Variants in ZNF345 observed in about 807,000 individuals in gnomAD.
ZNF345 encodes the protein zinc finger protein 345.
For missense variants in ZNF345, 527 were observed against 589.9 expected (o/e 0.89, Z 1.10); for synonymous variants, 166 against 187.9 (o/e 0.88, Z 0.95).
At chr19:36,866,278 T>G (rs1016195418) in intron 2 of ZNF345, among the ~76,000 whole-genome samples, 1 of 152,150 alleles carries the variant, frequency 6.6e-6, no homozygotes, top group Non-Finnish European at 1.5e-5. Flanking sequence ...ACATAAAATC[T>G]TTTTAGGTTA....
chr19:36,860,919 TGTAATA>T (rs914687172), intron 2 of ZNF345, among the ~76,000 whole-genome samples: 26 of 152,270 alleles, frequency 1.7e-4, no homozygotes, highest in African/African-American at 5.1e-4. Context: ...ATTAGTAAGA[TGTAATA>T]GTAATAATGG....
At chr19:36,852,866 T>C (rs538517707) in intron 2 of ZNF345, among the ~76,000 whole-genome samples, 2 of 151,700 alleles carry the variant, frequency 1.3e-5, no homozygotes, top group Admixed American at 1.3e-4. Flanking sequence ...GTCCCCTTTT[T>C]TGTTTTTTTT....
At position 36,877,518 on chromosome 19, in the gene ZNF345, T is replaced by G; in HGVS notation, c.688T>G (p.Tyr230Asp). The G allele has an allele frequency of 6.2e-7, 1 of 1,614,194 alleles. No homozygotes were observed. The highest frequency in any genetic ancestry group is 8.5e-7 in the Non-Finnish European group (1 of 1,180,032). ...HRRIHTGEKPYECKACGMAFS... is the reference protein window; with the variant it reads ...HRRIHTGEKPDECKACGMAFS... ...GCGGATTCATACTGGTGAGAAACCT[T>G]ATGAATGCAAAGCATGTGGAATGGC... The change falls in exon 3 of 3, where the codon TAT becomes GAT. Residue 230 changes from tyrosine (Y) to aspartate (D), a missense_variant. Transcript: ENST00000420450.
At chr19:36,886,814 C>T (rs1445613818) in intron 3 of ZNF345, among the ~76,000 whole-genome samples, 5 of 151,624 alleles carry the variant, frequency 3.3e-5, no homozygotes, top group African/African-American at 9.7e-5. Flanking sequence ...GGTGAAACCC[C>T]GTCTCTACTA....
chr19:36,869,910 T>C (rs140749348), intron 2 of ZNF345, among the ~76,000 whole-genome samples: 2,588 of 152,114 alleles, frequency 0.017, 79 homozygotes, highest in African/African-American at 0.059. Flanking sequence ...TACAGGCACA[T>C]GCCACCACGC....
chr19:36,884,160 G>A (rs1187536768), downstream of ZNF345, among the ~76,000 whole-genome samples: 2 of 152,226 alleles, frequency 1.3e-5, no homozygotes, highest in East Asian at 3.9e-4. Flanking sequence ...CCGCCTCCTG[G>A]GTTCAAGCGA....
chr19:36,858,697 TG>T (rs777456593), intron 2 of ZNF345, among the ~76,000 whole-genome samples: 67 of 151,960 alleles, frequency 4.4e-4, no homozygotes, highest in Middle Eastern at 3.4e-3. Flanking sequence ...ACCTGGGAGG[TG>T]GAGGTTGCAG....
intron 2 of ZNF345, among the ~76,000 whole-genome samples, chr19:36,868,531 T>C (rs1287019480): frequency 2.0e-5 from 3 of 152,170 alleles, no homozygotes; most frequent in Admixed American, 6.5e-5. Flanking sequence ...AGTTTTACAA[T>C]TGGAAGAAGT....
intron 2 of ZNF345, among the ~76,000 whole-genome samples, chr19:36,871,150 T>TTC (rs1037237237): frequency 6.6e-6 from 1 of 152,230 alleles, no homozygotes; most frequent in African/African-American, 2.4e-5. Flanking sequence ...AGTTGGCACC[T>TTC]TCTCTCTTTG....
intron 2 of ZNF345, among the ~76,000 whole-genome samples, chr19:36,857,868 T>G (rs2072456666): frequency 6.6e-6 from 1 of 151,970 alleles, no homozygotes; most frequent in Non-Finnish European, 1.5e-5. Flanking sequence ...AACCTCCACT[T>G]CCTGGGTTCA....
Position 36,891,651 on chromosome 19 carries a change from A to C in ZNF345, c.47-1167A>C, listed in dbSNP as rs374436128. On this transcript the variant is annotated intron_variant, in intron 3 of 3. Transcript: ENST00000526123. ...AGGCCTTCCCACATTCATTACATTC[A>C]TATGGTTTTTCATCTGTATGGATTC... is the stretch of plus-strand genomic sequence containing the variant. The C allele has an allele frequency of 1.9e-6, 3 of 1,613,202 alleles. No homozygotes were observed. In the Admixed American group the frequency reaches 5.0e-5, roughly 27 times the overall value.
intron 2 of ZNF345, among the ~76,000 whole-genome samples, chr19:36,859,473 A>G (rs2072497854): frequency 6.7e-6 from 1 of 149,982 alleles, no homozygotes; most frequent in Non-Finnish European, 1.5e-5. Flanking sequence ...TTTTATTTTT[A>G]TCTTCACCAG....
At chr19:36,873,853 C>T (rs2072821804) in intron 2 of ZNF345, among the ~76,000 whole-genome samples, 1 of 152,028 alleles carries the variant, frequency 6.6e-6, no homozygotes, top group Non-Finnish European at 1.5e-5. Context: ...ATATATATCA[C>T]AATTTCTTCA....
intron 2 of ZNF345, among the ~76,000 whole-genome samples, chr19:36,859,688 C>G (rs927552926): frequency 6.6e-6 from 1 of 152,002 alleles, no homozygotes; most frequent in Non-Finnish European, 1.5e-5. Flanking sequence ...TCATATTTAA[C>G]ATAAGAATTA....
chr19:36,882,556 T>C (rs750608492), downstream of ZNF345, among the ~76,000 whole-genome samples: 22 of 152,228 alleles, frequency 1.4e-4, no homozygotes, highest in African/African-American at 4.3e-4. Flanking sequence ...CGTGAGCCAC[T>C]GCACCTGGCC....
intron 2 of ZNF345, among the ~76,000 whole-genome samples, chr19:36,870,545 T>C (rs1336792552): frequency 2.0e-5 from 3 of 152,244 alleles, no homozygotes; most frequent in African/African-American, 7.2e-5. Flanking sequence ...AAAGGATGAA[T>C]GAGAATTAAA....
rs113442003 is a variant in ZNF345, at chr19:36,865,051, G to A, written c.-46-11734G>A. Among the ~76,000 whole-genome samples the A allele has an allele frequency of 7.5e-3, 1,148 of 152,286 alleles. 8 individuals carry two copies. Among genetic ancestry groups the A allele is most frequent in the Admixed American group, 0.013 (191 of 15,278 alleles). ...TTTGTACTTTAAGAGCCGGGAGCTA[G>A]AGAAGCTGCTTGACTGAGGAAGCCT... On this transcript the variant is annotated intron_variant, in intron 2 of 2. Transcript: ENST00000420450.
At chr19:36,866,891 T>C (rs2072672351) in intron 2 of ZNF345, among the ~76,000 whole-genome samples, 1 of 152,240 alleles carries the variant, frequency 6.6e-6, no homozygotes, top group Non-Finnish European at 1.5e-5. Flanking sequence ...ATCTCCACTA[T>C]TATTTAATAA....
intron 2 of ZNF345, among the ~76,000 whole-genome samples, chr19:36,875,388 C>T (rs2072862808): frequency 6.6e-6 from 1 of 152,006 alleles, no homozygotes; most frequent in Non-Finnish European, 1.5e-5. Context: ...TATAGGGGGA[C>T]ATTTCAGGCA....
Sources: allele counts gnomAD v4.1 joint callset (sites outside exome capture counted in the v4.1 genomes callset), GRCh38; gene constraint gnomAD v4.1.1; transcripts MANE v1.5; gene names NCBI Gene and HGNC (gene_info 2026-07-23, HGNC 2026-07-21).